Variants in NEGR1 observed in about 807,000 individuals in gnomAD.
NEGR1 encodes neuronal growth regulator 1, also known as IgLON family member 4.
In NEGR1, 10 loss-of-function variants were observed where a neutral mutation model predicts 40.9. That is an observed-to-expected ratio of 0.24 (90% CI 0.15 to 0.42). The LOEUF is 0.42. Among genes scored for constraint, NEGR1 ranks in the 10% least tolerant of loss-of-function variants. The probability of loss-of-function intolerance (pLI) is 1.00; values close to 1 mark genes in which losing one functional copy is unlikely to be tolerated. For synonymous variants in NEGR1, 185 were observed against 166.8 expected (o/e 1.11, Z -0.84); for missense variants, 352 against 438.9 (o/e 0.80, Z 1.77).
chr1:71,855,849 C>G (rs1254713742), intron 2 of NEGR1, among the ~76,000 whole-genome samples: 1 of 151,858 alleles, frequency 6.6e-6, no homozygotes, highest in African/African-American at 2.4e-5. Context: ...ATTCTGAGCA[C>G]CTTATGTTGG....
At chr1:72,019,010 G>A (rs558237678) in intron 1 of NEGR1, among the ~76,000 whole-genome samples, 2 of 152,160 alleles carry the variant, frequency 1.3e-5, no homozygotes, top group South Asian at 4.2e-4. Context: ...TTGGGGGGAT[G>A]GTCACATTGG....
chr1:71,984,850 C>G (rs1169810576), intron 1 of NEGR1, among the ~76,000 whole-genome samples: 1 of 152,006 alleles, frequency 6.6e-6, no homozygotes, highest in Non-Finnish European at 1.5e-5. Context: ...TAAACTTAAG[C>G]ATGATTTTAC....
chr1:72,129,945 C>T (rs547419240), intron 1 of NEGR1, among the ~76,000 whole-genome samples: 1 of 152,246 alleles, frequency 6.6e-6, no homozygotes, highest in East Asian at 1.9e-4. Context: ...AAGTAATACA[C>T]TGCTATTCAG....
chr1:71,759,485 C>T (rs1367397860), intron 3 of NEGR1, among the ~76,000 whole-genome samples: 1 of 149,896 alleles, frequency 6.7e-6, no homozygotes, highest in African/African-American at 2.4e-5. Flanking sequence ...TTTTAGTAGA[C>T]ACAGGACTTC....
intron 6 of NEGR1, among the ~76,000 whole-genome samples, chr1:71,592,406 C>A (rs1220854423): frequency 6.6e-6 from 1 of 152,058 alleles, no homozygotes; most frequent in African/African-American, 2.4e-5. Flanking sequence ...ATTCTGGCTA[C>A]CCCAAGATGA....
intron 6 of NEGR1, among the ~76,000 whole-genome samples, chr1:71,501,279 A>C (rs1003563288): frequency 6.6e-6 from 1 of 152,116 alleles, no homozygotes; most frequent in Non-Finnish European, 1.5e-5. Context: ...AAATGATGAG[A>C]TATTTCCTTT....
intron 2 of NEGR1, among the ~76,000 whole-genome samples, chr1:71,921,922 G>T (rs1645724272): frequency 6.6e-6 from 1 of 151,870 alleles, no homozygotes; most frequent in African/African-American, 2.4e-5. Flanking sequence ...CCCTCATGTT[G>T]TTCAAGCGTC....
intron 4 of NEGR1, among the ~76,000 whole-genome samples, chr1:71,645,403 A>G (rs1443732162): frequency 1.3e-5 from 2 of 152,014 alleles, no homozygotes; most frequent in African/African-American, 4.8e-5. Flanking sequence ...CTTTGAAAGC[A>G]GAAAGAAATA....
chr1:71,888,489 G>A (rs866674466), intron 2 of NEGR1, among the ~76,000 whole-genome samples: 3 of 151,928 alleles, frequency 2.0e-5, no homozygotes, highest in South Asian at 4.2e-4. Flanking sequence ...ACTCCCACCC[G>A]AATATTGCGA....
At chr1:71,884,464 T>C (rs1157721439) in intron 2 of NEGR1, among the ~76,000 whole-genome samples, 1 of 152,230 alleles carries the variant, frequency 6.6e-6, no homozygotes, top group Non-Finnish European at 1.5e-5. Context: ...TCTCAACTGC[T>C]AATTTTATTA....
rs534030657 is a variant in NEGR1, at chr1:71,978,527, C to T, written c.177-43216G>A. 4.6e-5 allele frequency among the ~76,000 whole-genome samples: 7 copies of T among 152,044 alleles called. No homozygotes were observed. The East Asian group carries it at 1.4e-3, about 29-fold the overall frequency. On this transcript the variant is annotated intron_variant, in intron 1 of 6. Coordinates refer to ENST00000357731, the MANE Select transcript of NEGR1 (RefSeq NM_173808.3). Reference sequence around the variant, plus strand: ...ACCAAACTCAATTCAAAAAGCAACCCCATTAAAAAGTGGGCAAAGGACATA... The same window carrying T: ...ACCAAACTCAATTCAAAAAGCAACCTCATTAAAAAGTGGGCAAAGGACATA...
chr1:72,079,800 T>A (rs186616414), intron 1 of NEGR1, among the ~76,000 whole-genome samples: 1 of 152,240 alleles, frequency 6.6e-6, no homozygotes, highest in East Asian at 1.9e-4. Context: ...TATTTAAAAG[T>A]GTTCTATAAT....
intron 1 of NEGR1, among the ~76,000 whole-genome samples, chr1:71,945,987 T>C (rs1646014922): frequency 1.3e-5 from 2 of 152,218 alleles, no homozygotes; most frequent in African/African-American, 4.8e-5. Flanking sequence ...AGAGACTGCA[T>C]AAGCACACTG....
chr1:71,470,136 T>C (rs1646772530), intron 6 of NEGR1, among the ~76,000 whole-genome samples: 1 of 152,096 alleles, frequency 6.6e-6, no homozygotes, highest in Non-Finnish European at 1.5e-5. Flanking sequence ...AAACATTAGA[T>C]GTTAGTGTTC....
chr1:71,648,298 G>GT (rs1651599165), intron 4 of NEGR1, among the ~76,000 whole-genome samples: 1 of 151,772 alleles, frequency 6.6e-6, no homozygotes. Context: ...GAAACACAAT[G>GT]TTTTTTTAAA....
At chr1:71,512,836 T>A (rs2101418429) in intron 6 of NEGR1, among the ~76,000 whole-genome samples, 1 of 152,272 alleles carries the variant, frequency 6.6e-6, no homozygotes, top group Non-Finnish European at 1.5e-5. Flanking sequence ...CGCCTTGGCC[T>A]CCCAAAGTGC....
At chr1:72,243,253 A>G (rs1392773674) in intron 1 of NEGR1, among the ~76,000 whole-genome samples, 1 of 151,834 alleles carries the variant, frequency 6.6e-6, no homozygotes, top group Non-Finnish European at 1.5e-5. Flanking sequence ...TCATACAAAT[A>G]CTAAACTTAA....
rs545506559 is a variant in NEGR1, at chr1:71,396,014, C to T, written c.*11432G>A. ...AATTGTAAATGTGGAAACTGAAGCC[C>T]CATTCCAGAGAAGACATTGCTTTTT... On this transcript the variant is annotated 3_prime_UTR_variant, in exon 7 of 7. Transcript: ENST00000357731. 6.6e-6 allele frequency: 1 copy of T among 152,152 alleles called. No individual in the cohort carries two copies. The highest frequency in any genetic ancestry group is 2.4e-5 in the African/African-American group (1 of 41,502). The allele number at this position is 152,152 out of a possible 1,614,324, so 9.4% of individuals were successfully genotyped here. A position where few individuals can be genotyped will look rare whatever the true frequency, so the allele number is the denominator to read the frequency against.
intron 3 of NEGR1, among the ~76,000 whole-genome samples, chr1:71,749,731 C>A (rs1162700485): frequency 6.6e-6 from 1 of 152,144 alleles, no homozygotes; most frequent in Non-Finnish European, 1.5e-5. Flanking sequence ...ATTTGAAGAA[C>A]AATTCCTGTT....
Sources: allele counts gnomAD v4.1 joint callset (sites outside exome capture counted in the v4.1 genomes callset), GRCh38; gene constraint gnomAD v4.1.1; transcripts MANE v1.5; gene names NCBI Gene and HGNC (gene_info 2026-07-23, HGNC 2026-07-21).